Variants in HHLA1 observed in about 807,000 individuals in gnomAD.
HHLA1 encodes HERV-H LTR-associating protein 1.
In HHLA1, 72 loss-of-function variants were observed where a neutral mutation model predicts 69.9. The ratio of observed to expected loss-of-function variants is 1.03; its 90% CI spans 0.85 to 1.25. The LOEUF is 1.25. Among genes scored for constraint, HHLA1 ranks in the 50% most tolerant of loss-of-function variants. HHLA1 has a pLI of 0.00. For missense variants in HHLA1, 685 were observed against 642.2 expected (o/e 1.07, Z -0.72); for synonymous variants, 252 against 233.2 (o/e 1.08, Z -0.73).
intron 10 of HHLA1, chr8:132,080,196 G>A: frequency 1.5e-6 from 1 of 654,684 alleles, no homozygotes; most frequent in Middle Eastern, 2.4e-4. Context: ...CTTTGGAAGA[G>A]GAATTAGTCT....
chr8:132,063,955 C>T lies in HHLA1; in HGVS notation c.*40G>A, dbSNP rs1260866697. The T allele has an allele frequency of 5.8e-6, 7 of 1,202,446 alleles. No individual in the cohort carries two copies. The highest frequency in any genetic ancestry group is 1.1e-6 in the Non-Finnish European group (1 of 902,420). 74.5% of individuals were successfully genotyped at this position (1,202,446 alleles called of 1,614,324 possible). ...AAGAGCCAGGGTGGATGGCGTATCC[C>T]CTGAAGTAATTGTTATGCCCTAGTG... On this transcript the variant is annotated 3_prime_UTR_variant, in exon 17 of 17. Transcript: ENST00000414222.
At chr8:132,081,244 G>T (rs1325743154) in intron 10 of HHLA1, 1 of 152,208 alleles carries the variant, frequency 6.6e-6, no homozygotes, top group Non-Finnish European at 1.5e-5. Flanking sequence ...ACAGAAGATA[G>T]TAGGGATGAC....
chr8:132,090,408 G>A (rs1823928919), intron 7 of HHLA1, among the ~76,000 whole-genome samples: 1 of 152,198 alleles, frequency 6.6e-6, no homozygotes, highest in African/African-American at 2.4e-5. Context: ...TTTCTAAAGA[G>A]GAAGCTTCTT....
chr8:132,072,684 T>A (rs1170285582), intron 14 of HHLA1, among the ~76,000 whole-genome samples: 1 of 152,188 alleles, frequency 6.6e-6, no homozygotes, highest in Non-Finnish European at 1.5e-5. Flanking sequence ...TTAATGCAGT[T>A]TGGTTATTGT....
At chr8:132,085,030 GAGAAGGGGT>G (rs1003238096) in intron 10 of HHLA1, among the ~76,000 whole-genome samples, 1 of 152,042 alleles carries the variant, frequency 6.6e-6, no homozygotes, top group Non-Finnish European at 1.5e-5. Flanking sequence ...CAGGAAAGCA[GAGAAGGGGT>G]AGAGACAAGG....
At chr8:132,083,677 G>C (rs1009331183) in intron 10 of HHLA1, among the ~76,000 whole-genome samples, 1 of 152,222 alleles carries the variant, frequency 6.6e-6, no homozygotes. Context: ...CCTTGGCCCA[G>C]TGGCCAGATT....
intron 8 of HHLA1, among the ~76,000 whole-genome samples, chr8:132,088,371 C>A: frequency 6.6e-6 from 1 of 152,140 alleles, no homozygotes; most frequent in East Asian, 1.9e-4. Context: ...AAGAGCTGAA[C>A]GTTTTACCAA....
rs1330172049 is a variant in HHLA1, at chr8:132,080,408, G to A, written c.677-442C>T. 3 of 322,406 alleles carry A rather than the reference G, an allele frequency of 9.3e-6. No homozygotes were observed. The Admixed American group carries it at 1.4e-4, about 15-fold the overall frequency. The allele number at this position is 322,406 out of a possible 1,614,324, so 20.0% of individuals were successfully genotyped here. A position where few individuals can be genotyped will look rare whatever the true frequency, so the allele number is the denominator to read the frequency against. ...AGGTAAAGGAAAATTACAGTCAAAGGGGGTTTGTTCTCTGGCGGGCAGGAG... is the reference window on the plus strand; with the variant it reads ...AGGTAAAGGAAAATTACAGTCAAAGAGGGTTTGTTCTCTGGCGGGCAGGAG... On this transcript the variant is annotated intron_variant, in intron 10 of 16. Transcript: ENST00000414222.
Position 132,077,841 on chromosome 8 carries a change from A to C in HHLA1, c.1056T>G (p.Ser352=), listed in dbSNP as rs1489700404. 1 of 1,551,592 alleles carries C rather than the reference A, an allele frequency of 6.4e-7. No individual in the cohort carries two copies. The highest frequency in any genetic ancestry group is 2.0e-5 in the Admixed American group (1 of 51,004). ...KPGGSLWETR[S]SPPTTAGTEE... ...CGGTCCCTGCAGTAGTCGGTGGGGA[A>C]GAACGAGTTTCCCAGAGAGACCCTC... is the stretch of plus-strand genomic sequence containing the variant. Residue 352 remains serine (S), a synonymous_variant, in exon 12 of 17, where the codon TCT becomes TCG. Coordinates refer to ENST00000414222, the MANE Select transcript of HHLA1 (RefSeq NM_001145095.3).
intron 7 of HHLA1, among the ~76,000 whole-genome samples, chr8:132,093,044 G>T (rs897637298): frequency 2.0e-5 from 3 of 152,142 alleles, no homozygotes; most frequent in African/African-American, 7.2e-5. Context: ...TGTTATAGTA[G>T]CCCACCCTGT....
intron 3 of HHLA1, chr8:132,101,145 A>G (rs1159655183): frequency 1.3e-6 from 2 of 1,521,336 alleles, no homozygotes; most frequent in Admixed American, 2.2e-5. Context: ...TTACATTTTC[A>G]TTTTGCAAAT....
At chr8:132,083,857 G>A (rs1222878027) in intron 10 of HHLA1, among the ~76,000 whole-genome samples, 2 of 152,220 alleles carry the variant, frequency 1.3e-5, no homozygotes, top group Non-Finnish European at 2.9e-5. Context: ...TGAAGGCAAG[G>A]TTAATTAAAT....
At chr8:132,104,272 G>C (rs752469257) in intron 2 of HHLA1, 105 bp from the exon 3 acceptor site, 5 of 760,616 alleles carry the variant, frequency 6.6e-6, no homozygotes, top group South Asian at 3.6e-5. Context: ...TATGATCTGG[G>C]GTTGTGAAGT....
intron 10 of HHLA1, chr8:132,080,252 G>C (rs1387411945): frequency 2.6e-5 from 12 of 464,392 alleles, no homozygotes; most frequent in Non-Finnish European, 1.2e-5. Context: ...GTGCGTCCGT[G>C]TGAAGAGACC....
intron 3 of HHLA1, among the ~76,000 whole-genome samples, chr8:132,102,250 A>C (rs1408587616): frequency 6.6e-6 from 1 of 152,216 alleles, no homozygotes; most frequent in Admixed American, 6.5e-5. Context: ...CCGTCAATGG[A>C]CATTTAGGTT....
At position 132,076,119 on chromosome 8, in the gene HHLA1, A is replaced by G; in HGVS notation, c.1251T>C (p.Ser417=). The change falls in exon 14 of 17, where the codon TCT becomes TCC. Residue 417 remains serine, a synonymous_variant. Transcript: ENST00000414222. ...CACCAGCAGTGAATGGCCACTCTGC[A>G]GAGAGATCACCTGCAAAGGGCAGGA... is the stretch of plus-strand genomic sequence containing the variant. ...APRYPQTGDL[S]AEWPFTAGEE... 1.3e-6 allele frequency: 2 copies of G among 1,551,150 alleles called. No homozygotes were observed. The highest frequency in any genetic ancestry group is 1.7e-6 in the Non-Finnish European group (2 of 1,146,818).
At chr8:132,090,980 C>T (rs150384536) in intron 7 of HHLA1, among the ~76,000 whole-genome samples, 44 of 152,072 alleles carry the variant, frequency 2.9e-4, no homozygotes, top group Admixed American at 2.8e-3. Flanking sequence ...AGGATGGTCT[C>T]GATCTCCTGA....
At chr8:132,079,371 A>T (rs1216811748) in intron 11 of HHLA1, among the ~76,000 whole-genome samples, 2 of 152,254 alleles carry the variant, frequency 1.3e-5, no homozygotes, top group African/African-American at 2.4e-5. Flanking sequence ...CTTTTGCCAC[A>T]ATGTACTGTG....
rs556683280 is a variant in HHLA1, at chr8:132,092,475, A to T, written c.449-2876T>A. On this transcript the variant is annotated intron_variant, in intron 7 of 16. Coordinates refer to ENST00000414222, the MANE Select transcript of HHLA1 (RefSeq NM_001145095.3). ...AGGCGTGGTGGGAGGTGATTGGATCATGGGGGCAGACTTCTCATGAATGGG... is the reference window on the plus strand; with the variant it reads ...AGGCGTGGTGGGAGGTGATTGGATCTTGGGGGCAGACTTCTCATGAATGGG... Among the ~76,000 whole-genome samples, 32 of 152,276 alleles carry T rather than the reference A, an allele frequency of 2.1e-4. No individual in the cohort carries two copies. The South Asian group carries it at 5.0e-3, about 24-fold the overall frequency.
Sources: gnomAD v4.1 joint callset for allele counts (sites outside exome capture counted in the v4.1 genomes callset) on GRCh38, gnomAD v4.1.1 for gene constraint, MANE v1.5 for transcripts, NCBI Gene and HGNC (gene_info 2026-07-23, HGNC 2026-07-21) for gene names.